Variants in INSYN2A observed in about 807,000 individuals in gnomAD.
The protein encoded by INSYN2A is family with sequence similarity 196 member A.
Under a neutral mutation model 39.4 loss-of-function variants are expected in INSYN2A, and 17 were observed. That is an observed-to-expected ratio of 0.43 (90% CI 0.30 to 0.65). The LOEUF (loss-of-function observed/expected upper bound fraction) is 0.65. Among genes scored for constraint, INSYN2A ranks in the 30% least tolerant of loss-of-function variants. The pLI is 0.14. For missense variants in INSYN2A, 595 were observed against 631.2 expected (o/e 0.94, Z 0.61); for synonymous variants, 255 against 265.7 (o/e 0.96, Z 0.39).
intron 2 of INSYN2A, among the ~76,000 whole-genome samples, chr10:127,178,021 C>T (rs1289576850): frequency 6.6e-6 from 1 of 152,172 alleles, no homozygotes; most frequent in Admixed American, 6.5e-5. Context: ...AGAGGCATGA[C>T]CCCTCCCCAC....
At chr10:127,149,620 C>T (rs1399780370) in intron 5 of INSYN2A, among the ~76,000 whole-genome samples, 3 of 152,038 alleles carry the variant, frequency 2.0e-5, no homozygotes, top group African/African-American at 7.2e-5. Context: ...AATTGGGTTT[C>T]GAGTGAAAAG....
intron 4 of INSYN2A, among the ~76,000 whole-genome samples, chr10:127,159,098 C>G (rs370615648): frequency 6.6e-6 from 1 of 152,176 alleles, no homozygotes; most frequent in East Asian, 1.9e-4. Context: ...ATAGACTCTG[C>G]GACAGTGCAT....
chr10:127,154,977 A>G (rs886684624), intron 4 of INSYN2A, among the ~76,000 whole-genome samples: 6 of 152,164 alleles, frequency 3.9e-5, no homozygotes, highest in African/African-American at 1.4e-4. Context: ...CATTTTTAAC[A>G]TGCAGATGTG....
chr10:127,168,426 G>A (rs774455474), intron 4 of INSYN2A, among the ~76,000 whole-genome samples: 2 of 152,220 alleles, frequency 1.3e-5, no homozygotes, highest in Admixed American at 6.5e-5. Context: ...TCAGCTCAGC[G>A]CTGCTTTCTC....
chr10:127,176,365 G>A lies in INSYN2A; in HGVS notation c.31C>T (p.Leu11Phe). 5 of 1,612,070 alleles carry A rather than the reference G, an allele frequency of 3.1e-6. No individual in the cohort carries two copies. The highest frequency in any genetic ancestry group is 4.2e-6 in the Non-Finnish European group (5 of 1,179,414). Residue 11 changes from leucine (L) to phenylalanine (F), a missense_variant, in exon 4 of 6, where the codon CTC becomes TTC. Physicochemically the swap from Leu to Phe is conservative, Grantham distance 22. This residue lies in a region of INSYN2A where 478 missense variants were observed against 467.4 expected (regional missense o/e 1.02). Transcript: ENST00000522781. This position sits in a 1 kb window ranked among gnomAD's most constrained non-coding sequence, Gnocchi z 4.4. MVSKDTGKCI[L>F]TTSESEVEPA... ...TCCACTTCACTCTCCGACGTTGTGAGTATGCATTTGCCGGTGTCCTTACTG... is the reference window on the plus strand; with the variant it reads ...TCCACTTCACTCTCCGACGTTGTGAATATGCATTTGCCGGTGTCCTTACTG...
intron 2 of INSYN2A, among the ~76,000 whole-genome samples, chr10:127,177,601 TG>T (rs1299580355): frequency 2.6e-5 from 4 of 152,128 alleles, no homozygotes; most frequent in Non-Finnish European, 5.9e-5. Context: ...GTCATGGACA[TG>T]GGCCCGTGAG....
chr10:127,191,882 C>CT (rs1274789753), intron 2 of INSYN2A, among the ~76,000 whole-genome samples: 2 of 152,184 alleles, frequency 1.3e-5, no homozygotes, highest in African/African-American at 4.8e-5. Flanking sequence ...GTGAGAGCAA[C>CT]TTTTATTTGC....
chr10:127,174,504 T>A (rs1475195956), intron 4 of INSYN2A, among the ~76,000 whole-genome samples: 8 of 152,198 alleles, frequency 5.3e-5, no homozygotes, highest in African/African-American at 1.9e-4. Context: ...AAACATGAAG[T>A]GCAAGATGGT....
At chr10:127,163,022 G>T (rs1228209907) in intron 4 of INSYN2A, among the ~76,000 whole-genome samples, 1 of 152,182 alleles carries the variant, frequency 6.6e-6, no homozygotes, top group Non-Finnish European at 1.5e-5. Flanking sequence ...CTTGGTCCGG[G>T]CCCGGCTTCT....
At chr10:127,179,380 GATGGTA>G (rs1477013522) in intron 2 of INSYN2A, among the ~76,000 whole-genome samples, 2 of 152,214 alleles carry the variant, frequency 1.3e-5, no homozygotes, top group Non-Finnish European at 2.9e-5. Context: ...GTAAAAAAAT[GATGGTA>G]ATACTTAGGA....
chr10:127,195,796 C>A (rs918120620), intron 1 of INSYN2A, among the ~76,000 whole-genome samples: 5 of 152,158 alleles, frequency 3.3e-5, no homozygotes, highest in Admixed American at 6.5e-5. Flanking sequence ...CCTTGCCCCC[C>A]ACCTGCGACC....
intron 1 of INSYN2A, among the ~76,000 whole-genome samples, chr10:127,192,974 G>A (rs1436042173): frequency 6.6e-6 from 1 of 152,128 alleles, no homozygotes; most frequent in African/African-American, 2.4e-5. Flanking sequence ...TCCAGTATTG[G>A]AATAAAGACT....
rs1382507298 is a variant in INSYN2A at position 127,175,244 on chromosome 10, C to A, written c.1152G>T (p.Gln384His). The A allele has an allele frequency of 6.2e-7, 1 of 1,613,778 alleles. No homozygotes were observed. Among genetic ancestry groups the A allele is most frequent in the East Asian group, 2.2e-5 (1 of 44,868 alleles). The change falls in exon 4 of 6, where the codon CAG becomes CAT. Residue 384 changes from glutamine to histidine, a missense_variant. Around this residue, in one of 2 missense-constraint regions of INSYN2A, gnomAD observed 117 missense variants for 163.8 expected, o/e 0.71. Transcript: ENST00000522781. This position sits in a 1 kb window ranked among gnomAD's most constrained non-coding sequence, Gnocchi z 6.3. ...GATGGGCCTCTCCTTTTTCCAACTCCTGAATGACCCCCAAGAGCACTTTGA... is the reference window on the plus strand; with the variant it reads ...GATGGGCCTCTCCTTTTTCCAACTCATGAATGACCCCCAAGAGCACTTTGA... ...ETIKVLLGVI[Q>H]ELEKGEAHRE...
intron 1 of INSYN2A, among the ~76,000 whole-genome samples, chr10:127,193,304 G>GT (rs2056878970): frequency 1.3e-5 from 2 of 152,126 alleles, no homozygotes; most frequent in Admixed American, 6.6e-5. Context: ...AATGACGGTG[G>GT]TTTGCCTCAA....
intron 2 of INSYN2A, among the ~76,000 whole-genome samples, chr10:127,180,435 A>G (rs898188857): frequency 6.6e-6 from 1 of 152,184 alleles, no homozygotes; most frequent in Non-Finnish European, 1.5e-5. Context: ...TGTGTTTTAG[A>G]ATTCATTGGA....
intron 4 of INSYN2A, among the ~76,000 whole-genome samples, chr10:127,156,556 CTTCTTCTTTTTT>C (rs1181913428): frequency 2.1e-5 from 2 of 94,806 alleles, no homozygotes; most frequent in Non-Finnish European, 4.3e-5. Context: ...TCTTCTTCTT[CTTCTTCTTTTTT>C]TTTTTTTTTT....
chr10:127,193,267 G>C (rs948946521), intron 1 of INSYN2A, among the ~76,000 whole-genome samples: 2 of 152,094 alleles, frequency 1.3e-5, no homozygotes, highest in Admixed American at 6.6e-5. Flanking sequence ...TTTTATCTGG[G>C]GAGTTTTTAT....
chr10:127,194,759 A>G (rs1350034736), intron 1 of INSYN2A, among the ~76,000 whole-genome samples: 1 of 152,148 alleles, frequency 6.6e-6, no homozygotes, highest in African/African-American at 2.4e-5. Flanking sequence ...ACCCTGTGCT[A>G]TCCTGAGCTG....
intron 2 of INSYN2A, among the ~76,000 whole-genome samples, chr10:127,179,133 T>C (rs2133943490): frequency 6.6e-6 from 1 of 152,356 alleles, no homozygotes; most frequent in South Asian, 2.1e-4. Flanking sequence ...AATGTGTGTC[T>C]GAATAAGTTT....
Sources: gnomAD v4.1 joint callset for allele counts (sites outside exome capture counted in the v4.1 genomes callset) on GRCh38, gnomAD v4.1.1 for gene constraint, gnomAD v4.1.1 regional missense constraint, Gnocchi (gnomAD v3.1) non-coding constraint, MANE v1.5 for transcripts, NCBI Gene and HGNC (gene_info 2026-07-23, HGNC 2026-07-21) for gene names.